HEPHL1: variants seen among roughly 807,000 people sequenced by gnomAD.
HEPHL1 encodes ferroxidase HEPHL1.
HEPHL1 carries 123 observed loss-of-function variants against 122.0 expected under a neutral mutation model. The ratio of observed to expected loss-of-function variants is 1.01; its 90% CI spans 0.87 to 1.17. The LOEUF is 1.17. Ranked by LOEUF, HEPHL1 falls within the 50% of genes most tolerant of loss-of-function variation. The pLI, the probability that HEPHL1 is intolerant of heterozygous loss-of-function variation, is 0.00. For missense variants in HEPHL1, 1,452 were observed against 1,430.5 expected (o/e 1.01, Z -0.24); for synonymous variants, 527 against 508.9 (o/e 1.04, Z -0.48).
intron 11 of HEPHL1, among the ~76,000 whole-genome samples, chr11:94,088,211 C>A (rs2134442909): frequency 6.6e-6 from 1 of 152,222 alleles, no homozygotes; most frequent in South Asian, 2.1e-4. Context: ...TAATGTAGAC[C>A]TATCATTGGA....
At chr11:94,096,644 G>C (rs1946318319) in intron 13 of HEPHL1, among the ~76,000 whole-genome samples, 1 of 152,126 alleles carries the variant, frequency 6.6e-6, no homozygotes. Context: ...AATATGTCTG[G>C]TCCTGGACTT....
At chr11:94,083,333 T>C (rs1186805003) in intron 10 of HEPHL1, among the ~76,000 whole-genome samples, 3 of 152,228 alleles carry the variant, frequency 2.0e-5, no homozygotes, top group Non-Finnish European at 4.4e-5. Context: ...GATCTTCATT[T>C]GAGAGGAATT....
chr11:94,023,479 G>T (rs557809189), intron 1 of HEPHL1, among the ~76,000 whole-genome samples: 4 of 152,312 alleles, frequency 2.6e-5, no homozygotes, highest in Non-Finnish European at 5.9e-5. Flanking sequence ...GGTGCTGGAA[G>T]AAGTTGGGGT....
intron 6 of HEPHL1, among the ~76,000 whole-genome samples, chr11:94,071,428 T>A (rs1946072758): frequency 6.6e-6 from 1 of 152,184 alleles, no homozygotes; most frequent in African/African-American, 2.4e-5. Flanking sequence ...GTGAACCATA[T>A]GTGAAAGACT....
intron 16 of HEPHL1, among the ~76,000 whole-genome samples, chr11:94,105,491 C>CA (rs1946400898): frequency 6.6e-6 from 1 of 152,188 alleles, no homozygotes. Context: ...CATGTAAACT[C>CA]AGTTTGCTTT....
intron 5 of HEPHL1, 79 bp downstream of exon 5, chr11:94,067,829 C>G (rs577780269): frequency 7.6e-7 from 1 of 1,323,186 alleles, no homozygotes; most frequent in South Asian, 1.3e-5. Context: ...TCATCCAGTA[C>G]CTACTGTTAG....
intron 1 of HEPHL1, among the ~76,000 whole-genome samples, chr11:94,034,335 G>A (rs1945702484): frequency 6.6e-6 from 1 of 152,174 alleles, no homozygotes; most frequent in Non-Finnish European, 1.5e-5. Context: ...ATCCTGAAAA[G>A]TCTGCAGGGT....
At chr11:94,036,876 C>T (rs964643368) in intron 1 of HEPHL1, among the ~76,000 whole-genome samples, 2 of 150,908 alleles carry the variant, frequency 1.3e-5, no homozygotes, top group East Asian at 2.0e-4. Context: ...CCAAGATGGC[C>T]GAATAGGAAC....
intron 7 of HEPHL1, 59 bp downstream of exon 7, chr11:94,073,223 A>G (rs1946092232): frequency 6.2e-7 from 1 of 1,607,828 alleles, no homozygotes; most frequent in Non-Finnish European, 8.5e-7. Context: ...CTGGGCATGT[A>G]CATCTGCACA....
At chr11:94,036,831 TCC>T (rs1344191504) in intron 1 of HEPHL1, among the ~76,000 whole-genome samples, 2 of 109,506 alleles carry the variant, frequency 1.8e-5, no homozygotes, top group Non-Finnish European at 3.6e-5. Context: ...AGAGCAAGAC[TCC>T]GTCTCAAAAA....
Position 94,098,991 on chromosome 11 carries a change from C to T in HEPHL1, c.2435-2204C>T, listed in dbSNP as rs188421684. ...CTTTAGCTTGGAGAAGTCTGATCGT[C>T]TGAAGCCTTCTTCTCTCAACTCGTC... On this transcript the variant is annotated intron_variant, in intron 13 of 19. Coordinates refer to ENST00000315765, the MANE Select transcript of HEPHL1 (RefSeq NM_001098672.2). Among the ~76,000 whole-genome samples, 7 of 152,330 alleles carry T rather than the reference C, an allele frequency of 4.6e-5. No individual in the cohort carries two copies. In the East Asian group the frequency reaches 1.4e-3, roughly 29 times the overall value.
At chr11:94,099,866 G>A (rs748835287) in intron 13 of HEPHL1, among the ~76,000 whole-genome samples, 6 of 152,174 alleles carry the variant, frequency 3.9e-5, no homozygotes, top group Non-Finnish European at 7.3e-5. Context: ...TTGGAAAAGC[G>A]CAGTATTAGG....
At chr11:94,098,507 C>G (rs568342903) in intron 13 of HEPHL1, among the ~76,000 whole-genome samples, 1 of 152,240 alleles carries the variant, frequency 6.6e-6, no homozygotes, top group Admixed American at 6.5e-5. Flanking sequence ...TTGCTCTTCT[C>G]GAGGAGTATC....
In HEPHL1 at chr11:94,093,729, AAGGAT is replaced by A. The variant is rs900575244; in HGVS notation, c.2434+92_2434+96del. On this transcript the variant is annotated intron_variant, in intron 13 of 19. Transcript: ENST00000315765. ...TGTTCTGTTACACTTGTGGCTAAGA[AAGGAT>A]AGAAGAAACAGAGTAGCTTGACTGC... The A allele has an allele frequency of 6.5e-5, 93 of 1,423,510 alleles. No homozygotes were observed. The African/African-American group carries it at 1.3e-3, about 19-fold the overall frequency. 88.2% of individuals were successfully genotyped at this position (1,423,510 alleles called of 1,614,324 possible).
At chr11:94,025,476 C>T (rs373288450) in intron 1 of HEPHL1, among the ~76,000 whole-genome samples, 1 of 152,146 alleles carries the variant, frequency 6.6e-6, no homozygotes, top group Non-Finnish European at 1.5e-5. Flanking sequence ...TCACCATAGA[C>T]CTCATTAGGC....
chr11:94,029,436 G>C lies in HEPHL1; in HGVS notation c.170+7898G>C, dbSNP rs1361981751. Among the ~76,000 whole-genome samples, 4 of 152,288 alleles carry C rather than the reference G, an allele frequency of 2.6e-5. No homozygotes were observed. In the East Asian group the frequency reaches 7.7e-4, roughly 29 times the overall value. Reference sequence around the variant, plus strand: ...TCTAACTTGCAAAAGCAGAATCACTGTGGTCTTCTTTGGTTAGGAGGAAAG... The same window carrying C: ...TCTAACTTGCAAAAGCAGAATCACTCTGGTCTTCTTTGGTTAGGAGGAAAG... On this transcript the variant is annotated intron_variant, in intron 1 of 19. Coordinates refer to ENST00000315765, the MANE Select transcript of HEPHL1 (RefSeq NM_001098672.2).
chr11:94,109,019 CTT>C (rs1946428933), intron 17 of HEPHL1, among the ~76,000 whole-genome samples: 1 of 152,006 alleles, frequency 6.6e-6, no homozygotes, highest in Admixed American at 6.6e-5. Context: ...TCGTTTAGCT[CTT>C]CTTTGATTTC....
Position 94,092,891 on chromosome 11 carries a change from T to C in HEPHL1, c.2295-610T>C, listed in dbSNP as rs553951435. ...TCCCTAGGAACAATGGTTCAGTCTT[T>C]ATTAGTCCAGTTATCACAATGACTT... On this transcript the variant is annotated intron_variant, in intron 12 of 19. Coordinates refer to ENST00000315765, the MANE Select transcript of HEPHL1 (RefSeq NM_001098672.2). 2.0e-5 allele frequency among the ~76,000 whole-genome samples: 3 copies of C among 152,308 alleles called. No individual in the cohort carries two copies. The South Asian group carries it at 6.2e-4, about 32-fold the overall frequency.
chr11:94,077,687 C>T lies in HEPHL1; in HGVS notation c.1716+2302C>T, dbSNP rs116120638. Reference sequence around the variant, plus strand: ...TCCTGTTCAACACTTCCAGTGGTTTCCTGTCACACTTAAAACAAAAATCAA... The same window carrying T: ...TCCTGTTCAACACTTCCAGTGGTTTTCTGTCACACTTAAAACAAAAATCAA... On this transcript the variant is annotated intron_variant, in intron 9 of 19. Coordinates refer to ENST00000315765, the MANE Select transcript of HEPHL1 (RefSeq NM_001098672.2). 3.3e-3 allele frequency among the ~76,000 whole-genome samples: 499 copies of T among 152,310 alleles called. 1 individual carries two copies. Among genetic ancestry groups the T allele is most frequent in the African/African-American group, 0.011 (477 of 41,572 alleles).
Sources: gnomAD v4.1 joint callset for allele counts (sites outside exome capture counted in the v4.1 genomes callset) on GRCh38, gnomAD v4.1.1 for gene constraint, MANE v1.5 for transcripts, NCBI Gene and HGNC (gene_info 2026-07-23, HGNC 2026-07-21) for gene names.